The following CLSTN2 variants were observed in gnomAD, a reference collection of about 807,000 sequenced individuals.
The protein encoded by CLSTN2 is calsyntenin 2.
Under a neutral mutation model 101.2 loss-of-function variants are expected in CLSTN2, and 48 were observed. The observed-to-expected ratio is 0.47, with a 90% CI of 0.38 to 0.60. The LOEUF (loss-of-function observed/expected upper bound fraction) is 0.60, where lower values mean the gene tolerates loss of function less well. Ranked by LOEUF, CLSTN2 falls within the 20% of genes least tolerant of loss-of-function variation. CLSTN2 has a pLI of 0.00. For missense variants in CLSTN2, 1,160 were observed against 1,238.2 expected (o/e 0.94, Z 0.95); for synonymous variants, 481 against 463.6 (o/e 1.04, Z -0.48).
chr3:140,151,483 C>A (rs938546522), intron 1 of CLSTN2, among the ~76,000 whole-genome samples: 4 of 152,104 alleles, frequency 2.6e-5, no homozygotes, highest in Admixed American at 2.6e-4. Context: ...GCCTGTGAAC[C>A]AGGCTAAGAA....
At chr3:140,564,565 G>A (rs761536856) in intron 16 of CLSTN2, among the ~76,000 whole-genome samples, 3 of 152,180 alleles carry the variant, frequency 2.0e-5, no homozygotes, top group Non-Finnish European at 4.4e-5. Context: ...TCACTCAAAG[G>A]CTTGGAACAG....
At chr3:140,393,444 C>T (rs1169134651) in intron 2 of CLSTN2, among the ~76,000 whole-genome samples, 1 of 152,180 alleles carries the variant, frequency 6.6e-6, no homozygotes, top group African/African-American at 2.4e-5. Context: ...CTATGTGTAG[C>T]TTCTGTTTCT....
At chr3:140,417,942 C>A (rs1445333629) in intron 4 of CLSTN2, among the ~76,000 whole-genome samples, 1 of 152,156 alleles carries the variant, frequency 6.6e-6, no homozygotes, top group Non-Finnish European at 1.5e-5. Context: ...TTCTCAGACA[C>A]TTTCATTAAG....
chr3:140,167,986 A>C (rs1041543417), intron 1 of CLSTN2, among the ~76,000 whole-genome samples: 1 of 152,206 alleles, frequency 6.6e-6, no homozygotes, highest in Admixed American at 6.5e-5. Context: ...CCAGTTTGGC[A>C]CTAAGTATTC....
intron 2 of CLSTN2, among the ~76,000 whole-genome samples, chr3:140,360,627 G>T (rs971926708): frequency 4.6e-5 from 7 of 152,060 alleles, no homozygotes; most frequent in South Asian, 2.1e-4. Context: ...CCCTAAAGAA[G>T]AACAATACAA....
chr3:140,446,454 G>A (rs1403357569), intron 5 of CLSTN2, among the ~76,000 whole-genome samples: 1 of 152,096 alleles, frequency 6.6e-6, no homozygotes, highest in Non-Finnish European at 1.5e-5. Context: ...GACCATGGGG[G>A]CTCAGAGCTA....
At chr3:139,984,757 T>A (rs1185272281) in intron 1 of CLSTN2, among the ~76,000 whole-genome samples, 1 of 152,166 alleles carries the variant, frequency 6.6e-6, no homozygotes, top group Non-Finnish European at 1.5e-5. Context: ...AAATATCATC[T>A]ATAAGATGAA....
At chr3:140,509,921 G>A (rs1319299305) in intron 8 of CLSTN2, among the ~76,000 whole-genome samples, 2 of 152,204 alleles carry the variant, frequency 1.3e-5, no homozygotes, top group Non-Finnish European at 2.9e-5. Flanking sequence ...TAATGGGGTT[G>A]TTTTCCAATA....
chr3:140,171,634 TA>T (rs1217835573), intron 1 of CLSTN2, among the ~76,000 whole-genome samples: 2 of 120,484 alleles, frequency 1.7e-5, no homozygotes, highest in African/African-American at 6.6e-5. Flanking sequence ...ATATGTATTA[TA>T]TATTATATAT....
intron 1 of CLSTN2, among the ~76,000 whole-genome samples, chr3:139,998,587 G>T (rs563781502): frequency 6.6e-6 from 1 of 151,486 alleles, no homozygotes; most frequent in Non-Finnish European, 1.5e-5. Context: ...CTCGTGATCC[G>T]CCCGCCTCGG....
chr3:139,938,595 C>T (rs1697596712), intron 1 of CLSTN2, among the ~76,000 whole-genome samples: 1 of 152,188 alleles, frequency 6.6e-6, no homozygotes, highest in African/African-American at 2.4e-5. Flanking sequence ...ATCACATGCT[C>T]ATGTTCTATG....
chr3:139,971,504 G>T (rs148106176), intron 1 of CLSTN2, among the ~76,000 whole-genome samples: 12 of 152,332 alleles, frequency 7.9e-5, no homozygotes, highest in Admixed American at 2.0e-4. Context: ...GGGAAAAGCT[G>T]TAGAATGCAG....
At chr3:140,409,784 C>A (rs1236814821) in intron 4 of CLSTN2, among the ~76,000 whole-genome samples, 2 of 151,880 alleles carry the variant, frequency 1.3e-5, no homozygotes, top group East Asian at 3.9e-4. Context: ...CAAGAGAACA[C>A]AGATAAACAA....
At chr3:140,403,948 C>G (rs1445080232) in intron 3 of CLSTN2, 124 bp downstream of exon 3, 6 of 785,748 alleles carry the variant, frequency 7.6e-6, no homozygotes, top group Non-Finnish European at 1.2e-5. Flanking sequence ...CTTTGCTCAA[C>G]TGCTTGGCAG....
chr3:140,439,862 G>A (rs6804186), intron 5 of CLSTN2, among the ~76,000 whole-genome samples: 11,938 of 152,184 alleles, frequency 0.078, 1,563 homozygotes, highest in African/African-American at 0.27. Flanking sequence ...TAAGTAATAC[G>A]TACCATCCTA....
At chr3:140,417,910 G>A (rs1243517555) in intron 4 of CLSTN2, among the ~76,000 whole-genome samples, 1 of 152,170 alleles carries the variant, frequency 6.6e-6, no homozygotes, top group African/African-American at 2.4e-5. Context: ...AAATTTGGTG[G>A]TGGTGGAGAA....
At chr3:139,953,917 C>G (rs1935338945) in intron 1 of CLSTN2, among the ~76,000 whole-genome samples, 2 of 30,552 alleles carry the variant, frequency 6.5e-5, no homozygotes, top group African/African-American at 1.3e-4. Context: ...GAGAAGGGCT[C>G]TGTGTGTGTG....
chr3:140,325,080 TAG>T lies in CLSTN2; in HGVS notation c.233-78545_233-78544del, dbSNP rs1259045151. The stretch of plus-strand genomic sequence containing the variant: ...TTTAAATTTTTATTTAAATTTTTGG[TAG>T]AGACAAGGTCTCACTATATTACTCA... On this transcript the variant is annotated intron_variant, in intron 2 of 16. Coordinates refer to ENST00000458420, the MANE Select transcript of CLSTN2 (RefSeq NM_022131.3). 7.9e-5 allele frequency among the ~76,000 whole-genome samples: 12 copies of T among 152,324 alleles called. 1 individual carries two copies. Among genetic ancestry groups the T allele is most frequent in the Non-Finnish European group, 5.9e-5 (4 of 68,028 alleles).
chr3:140,072,235 G>A (rs1456992085), intron 1 of CLSTN2, among the ~76,000 whole-genome samples: 1 of 151,778 alleles, frequency 6.6e-6, no homozygotes. Context: ...CCATTAGTAG[G>A]GTTTCATTAT....
Sources: allele counts gnomAD v4.1 joint callset (sites outside exome capture counted in the v4.1 genomes callset), GRCh38; gene constraint gnomAD v4.1.1; transcripts MANE v1.5; gene names NCBI Gene and HGNC (gene_info 2026-07-23, HGNC 2026-07-21).